ANKS1B: variants seen among roughly 807,000 people sequenced by gnomAD.
ANKS1B encodes the protein ankyrin repeat and sterile alpha motif domain containing 1B, also known as ankyrin repeat and sterile alpha motif domain-containing protein 1B.
Under a neutral mutation model 148.3 loss-of-function variants are expected in ANKS1B, and 36 were observed. The ratio of observed to expected loss-of-function variants is 0.24; its 90% CI spans 0.19 to 0.32. ANKS1B has a LOEUF of 0.32. ANKS1B is among the 10% of genes least tolerant of loss of function. The probability of loss-of-function intolerance (pLI) is 1.00; values close to 1 mark genes in which losing one functional copy is unlikely to be tolerated. For synonymous variants in ANKS1B, 542 were observed against 560.8 expected (o/e 0.97, Z 0.47); for missense variants, 1,157 against 1,542.6 (o/e 0.75, Z 4.19).
At chr12:98,852,144 G>C (rs375500140) in intron 17 of ANKS1B, among the ~76,000 whole-genome samples, 2 of 151,692 alleles carry the variant, frequency 1.3e-5, no homozygotes, top group Admixed American at 6.6e-5. Context: ...ACTGTCCACA[G>C]GCCAGGAAAG....
intron 17 of ANKS1B, among the ~76,000 whole-genome samples, chr12:98,938,067 T>C (rs1383750731): frequency 6.6e-6 from 1 of 152,140 alleles, no homozygotes; most frequent in East Asian, 1.9e-4. Flanking sequence ...AGATGATATT[T>C]GGGTGGGGAC....
chr12:99,881,694 T>C (rs1344628738), intron 1 of ANKS1B, among the ~76,000 whole-genome samples: 1 of 152,190 alleles, frequency 6.6e-6, no homozygotes, highest in Admixed American at 6.5e-5. Flanking sequence ...GTTGCAAATA[T>C]GTGGGACAGA....
chr12:99,179,428 C>CAAAAAAAAAAAAAAAAAAAAA (rs59979808), intron 14 of ANKS1B, among the ~76,000 whole-genome samples: 1 of 72,952 alleles, frequency 1.4e-5, no homozygotes, highest in Non-Finnish European at 2.5e-5. Context: ...GACTCTGTCT[C>CAAAAAAAAAAAAAAAAAAAAA]AAAAAAAAAA....
chr12:98,898,635 G>A (rs1266603632), intron 17 of ANKS1B, among the ~76,000 whole-genome samples: 1 of 152,080 alleles, frequency 6.6e-6, no homozygotes, highest in East Asian at 1.9e-4. Context: ...TCTTTCTTCA[G>A]TAATTTCATT....
intron 10 of ANKS1B, among the ~76,000 whole-genome samples, chr12:99,468,409 C>T (rs1595423538): frequency 6.6e-6 from 1 of 152,174 alleles, no homozygotes; most frequent in Non-Finnish European, 1.5e-5. Flanking sequence ...ACAGCAAAAG[C>T]AATGGCAACG....
At chr12:98,821,602 G>A (rs531984187) in intron 19 of ANKS1B, among the ~76,000 whole-genome samples, 10 of 152,228 alleles carry the variant, frequency 6.6e-5, no homozygotes, top group African/African-American at 1.2e-4. Context: ...CTGATGGAAC[G>A]TAATACTGAG....
intron 15 of ANKS1B, among the ~76,000 whole-genome samples, chr12:99,151,573 T>C (rs2074936701): frequency 2.0e-5 from 3 of 152,102 alleles, no homozygotes; most frequent in South Asian, 2.1e-4. Context: ...GGTCTTTCTT[T>C]TCTAACCATA....
At chr12:99,065,146 T>G (rs543214084) in intron 16 of ANKS1B, among the ~76,000 whole-genome samples, 1 of 152,158 alleles carries the variant, frequency 6.6e-6, no homozygotes, top group Non-Finnish European at 1.5e-5. Context: ...TCTCTTTTTT[T>G]CTCTGACAGT....
intron 14 of ANKS1B, among the ~76,000 whole-genome samples, chr12:99,161,242 A>G (rs879743393): frequency 6.6e-5 from 10 of 152,286 alleles, no homozygotes; most frequent in Middle Eastern, 3.4e-3. Context: ...TAAACGTGTT[A>G]TCAAAATCAA....
At chr12:98,762,468 C>T (rs2098422578) in intron 25 of ANKS1B, among the ~76,000 whole-genome samples, 1 of 152,236 alleles carries the variant, frequency 6.6e-6, no homozygotes, top group African/African-American at 2.4e-5. Flanking sequence ...GAGAGGCAGT[C>T]ACCACCAACG....
At chr12:98,865,961 T>C (rs2099622317) in intron 17 of ANKS1B, among the ~76,000 whole-genome samples, 1 of 152,136 alleles carries the variant, frequency 6.6e-6, no homozygotes, top group African/African-American at 2.4e-5. Flanking sequence ...TCCTAATAGA[T>C]GGCCGTCTTC....
intron 1 of ANKS1B, among the ~76,000 whole-genome samples, chr12:99,917,726 T>C (rs904804692): frequency 1.3e-5 from 2 of 152,186 alleles, no homozygotes; most frequent in South Asian, 2.1e-4. Context: ...ATCAAGCTGA[T>C]GAACCACTAG....
chr12:99,570,341 T>TA (rs72420547), intron 9 of ANKS1B, among the ~76,000 whole-genome samples: 20,681 of 147,316 alleles, frequency 0.14, 1,577 homozygotes, highest in Non-Finnish European at 0.17. Context: ...ATACTCCAGA[T>TA]AAAAAAAAAA....
chr12:99,845,142 G>A (rs941374510), intron 1 of ANKS1B, among the ~76,000 whole-genome samples: 2 of 152,158 alleles, frequency 1.3e-5, no homozygotes, highest in African/African-American at 4.8e-5. Flanking sequence ...CTGAGATGTG[G>A]GGTTTTCTAC....
At chr12:99,628,808 T>A (rs1229081341) in intron 9 of ANKS1B, among the ~76,000 whole-genome samples, 1 of 152,136 alleles carries the variant, frequency 6.6e-6, no homozygotes, top group Non-Finnish European at 1.5e-5. Flanking sequence ...TTACTTTGTA[T>A]CAGGAATCCA....
chr12:98,736,961 AGAT>A (rs1431502340), intron 9 of ANKS1B, among the ~76,000 whole-genome samples: 2 of 152,244 alleles, frequency 1.3e-5, no homozygotes, highest in African/African-American at 4.8e-5. Flanking sequence ...TGGGGACAAC[AGAT>A]GATAAGAAAA....
intron 1 of ANKS1B, among the ~76,000 whole-genome samples, chr12:99,935,649 C>A (rs11110139): frequency 2.6e-5 from 4 of 152,258 alleles, no homozygotes; most frequent in African/African-American, 9.6e-5. Flanking sequence ...CGATTCCCTG[C>A]CTAGTAGTCC....
chr12:99,584,173 T>C (rs1351721961), intron 9 of ANKS1B, among the ~76,000 whole-genome samples: 1 of 152,186 alleles, frequency 6.6e-6, no homozygotes, highest in Non-Finnish European at 1.5e-5. Context: ...TTCAGAAAAA[T>C]GTGCCAGCAC....
At chr12:99,448,996 T>C (rs2095683355) in intron 10 of ANKS1B, among the ~76,000 whole-genome samples, 1 of 152,090 alleles carries the variant, frequency 6.6e-6, no homozygotes, top group East Asian at 1.9e-4. Context: ...TTTTTAATAG[T>C]TTCTTCTATT....
Sources: gnomAD v4.1 joint callset for allele counts (sites outside exome capture counted in the v4.1 genomes callset) on GRCh38, gnomAD v4.1.1 for gene constraint, MANE v1.5 for transcripts, NCBI Gene and HGNC (gene_info 2026-07-23, HGNC 2026-07-21) for gene names.